The following FOLR1 variants were observed in gnomAD, a reference collection of about 807,000 sequenced individuals.
FOLR1 encodes KB cells FBP.
A neutral mutation model predicts 22.8 loss-of-function variants in FOLR1; 11 were observed. The observed-to-expected ratio is 0.48, with a 90% CI of 0.30 to 0.80. The LOEUF (loss-of-function observed/expected upper bound fraction) is 0.80. FOLR1 is among the 30% of genes least tolerant of loss of function. The pLI, the probability that FOLR1 is intolerant of heterozygous loss-of-function variation, is 0.06. For synonymous variants in FOLR1, 108 were observed against 116.5 expected (o/e 0.93, Z 0.47); for missense variants, 273 against 320.3 (o/e 0.85, Z 1.13).
chr11:72,194,439 G>T (rs541651726), intron 1 of FOLR1, among the ~76,000 whole-genome samples: 1 of 151,972 alleles, frequency 6.6e-6, no homozygotes, highest in African/African-American at 2.4e-5. Flanking sequence ...TTGCTCTGTC[G>T]CCCAGGCTGG....
rs148345688 is a variant in FOLR1, at chr11:72,195,317, A to G, written c.215A>G (p.Gln72Arg). The change falls in exon 2 of 4, where the codon CAG becomes CGG. Residue 72 changes from glutamine (Q) to arginine (R), a missense_variant. Coordinates refer to ENST00000393676, the MANE Select transcript of FOLR1 (RefSeq NM_016729.3). ...GCCTGCTGTTCTACCAACACCAGCC[A>G]GGAAGCCCATAAGGATGTTTCCTAC... Reference protein sequence around the residue: ...KNACCSTNTSQEAHKDVSYLY... With the variant: ...KNACCSTNTSREAHKDVSYLY... 1.7e-4 allele frequency: 279 copies of G among 1,614,086 alleles called. 3 individuals carry two copies. In the South Asian group the frequency reaches 2.1e-3, roughly 12 times the overall value.
chr11:72,190,919 G>A (rs1304557498), upstream of FOLR1, among the ~76,000 whole-genome samples: 1 of 152,242 alleles, frequency 6.6e-6, no homozygotes, highest in African/African-American at 2.4e-5. Context: ...GCAAGCTTGT[G>A]AGCGGGAAAG....
At chr11:72,191,954 G>T (rs112331849), upstream of FOLR1, 2 of 568,550 alleles carry the variant, frequency 3.5e-6, no homozygotes, top group Non-Finnish European at 6.3e-6. Flanking sequence ...CCTGAACCTC[G>T]TGACCACCTG....
Position 72,195,966 on chromosome 11 carries a change from T to C in FOLR1, c.563T>C (p.Leu188Pro), listed in dbSNP as rs1565365812. 1.9e-6 allele frequency: 3 copies of C among 1,614,208 alleles called. No individual in the cohort carries two copies. Among genetic ancestry groups the C allele is most frequent in the Non-Finnish European group, 2.5e-6 (3 of 1,180,030 alleles). Reference protein sequence around the residue: ...FHFYFPTPTVLCNEIWTHSYK... With the variant: ...FHFYFPTPTVPCNEIWTHSYK... ...TTCTACTTCCCCACACCCACTGTTC[T>C]GTGCAATGAAATCTGGACTCACTCC... Residue 188 changes from leucine to proline, a missense_variant, in exon 4 of 4, where the codon CTG becomes CCG. By Grantham distance (98) the Leu-to-Pro change is moderately conservative. Transcript: ENST00000393676.
chr11:72,192,282 TGCATGAAC>T lies in FOLR1; in HGVS notation c.112_119del (p.Met38GlnfsTer15). The T allele has an allele frequency of 6.2e-7, 1 of 1,614,108 alleles. No homozygotes were observed. Among genetic ancestry groups the T allele is most frequent in the Non-Finnish European group, 8.5e-7 (1 of 1,180,020 alleles). On this transcript the variant is annotated frameshift_variant, in exon 1 of 4. Transcript: ENST00000393676. LOFTEE classifies it high-confidence loss of function. Reference sequence around the variant, plus strand: ...GGCCAGGACTGAGCTTCTCAATGTCTGCATGAACGCCAAGCACCACAAGGAAAAGCCAG... The same window carrying T: ...GGCCAGGACTGAGCTTCTCAATGTCTGCCAAGCACCACAAGGAAAAGCCAG...
chr11:72,192,266 T>C lies in FOLR1; in HGVS notation c.93T>C (p.Thr31=), dbSNP rs758021331. The C allele has an allele frequency of 5.6e-6, 9 of 1,614,150 alleles. No individual in the cohort carries two copies. The highest frequency in any genetic ancestry group is 1.1e-5 in the South Asian group (1 of 91,088). ...EAQTRIAWAR[T]ELLNVCMNAK... is the part of the protein sequence containing the mutation. ...AGACAAGGATTGCATGGGCCAGGAC[T>C]GAGCTTCTCAATGTCTGCATGAACG... Residue 31 remains threonine, a synonymous_variant, in exon 1 of 4, where the codon ACT becomes ACC. Transcript: ENST00000393676.
upstream of FOLR1, among the ~76,000 whole-genome samples, chr11:72,190,892 G>A (rs1159120587): frequency 3.9e-5 from 6 of 152,220 alleles, no homozygotes; most frequent in Non-Finnish European, 8.8e-5. Flanking sequence ...GGAGAGGAGG[G>A]GCAGCACGGG....
In FOLR1 at chr11:72,192,246, A is replaced by G; in HGVS notation, c.73A>G (p.Arg25Gly). The change falls in exon 1 of 4, where the codon AGG becomes GGG. Residue 25 changes from arginine to glycine, a missense_variant. Arg to Gly is a moderately radical substitution (Grantham distance 125). Transcript: ENST00000393676. ...GGCTGTAGTAGGGGAGGCTCAGACA[A>G]GGATTGCATGGGCCAGGACTGAGCT... ...WVAVVGEAQT[R>G]IAWARTELLN... 6.2e-7 allele frequency: 1 copy of G among 1,614,210 alleles called. No individual in the cohort carries two copies. The highest frequency in any genetic ancestry group is 8.5e-7 in the Non-Finnish European group (1 of 1,180,046).
Position 72,196,161 on chromosome 11 carries a change from T to G in FOLR1, c.758T>G (p.Leu253Arg), listed in dbSNP as rs1948233031. 1 of 1,614,212 alleles carries G rather than the reference T, an allele frequency of 6.2e-7. No homozygotes were observed. The highest frequency in any genetic ancestry group is 1.1e-5 in the South Asian group (1 of 91,082). The change falls in exon 4 of 4, where the codon CTG (leucine) becomes CGG (arginine). Residue 253 changes from leucine to arginine, a missense_variant. Transcript: ENST00000393676. Reference sequence around the variant, plus strand: ...CTGCTTAGCCTGGCCCTAATGCTGCTGTGGCTGCTCAGCTGACCTCCTTTT... The same window carrying G: ...CTGCTTAGCCTGGCCCTAATGCTGCGGTGGCTGCTCAGCTGACCTCCTTTT... Reference protein sequence around the residue: ...PFLLSLALMLLWLLS With the variant: ...PFLLSLALMLRWLLS
At position 72,195,657 on chromosome 11, in the gene FOLR1, T is replaced by C. The variant is rs774868210; in HGVS notation, c.403T>C (p.Cys135Arg). 2 of 1,614,178 alleles carry C rather than the reference T, an allele frequency of 1.2e-6. No individual in the cohort carries two copies. The highest frequency in any genetic ancestry group is 1.7e-6 in the Non-Finnish European group (2 of 1,180,028). The change falls in exon 3 of 4, where the codon TGC becomes CGC. Residue 135 changes from cysteine to arginine, a missense_variant. Transcript: ENST00000393676. ...RKERVLNVPLCKEDCEQWWED... is the reference protein window; with the variant it reads ...RKERVLNVPLRKEDCEQWWED... ...AGAGCGGGTACTGAACGTGCCCCTG[T>C]GCAAAGAGGACTGTGAGCAATGGTG...
chr11:72,193,770 A>G (rs1261228359), intron 1 of FOLR1, among the ~76,000 whole-genome samples: 3 of 140,048 alleles, frequency 2.1e-5, no homozygotes, highest in Non-Finnish European at 4.6e-5. Flanking sequence ...TTAAGTGCAC[A>G]TTTTATTTAT....
intron 1 of FOLR1, among the ~76,000 whole-genome samples, chr11:72,193,935 C>T (rs530331507): frequency 6.6e-6 from 1 of 151,570 alleles, no homozygotes; most frequent in Non-Finnish European, 1.5e-5. Context: ...AGGCACCTGC[C>T]ACCATGCCTA....
chr11:72,194,910 T>C (rs1164254315), intron 1 of FOLR1, among the ~76,000 whole-genome samples: 1 of 152,252 alleles, frequency 6.6e-6, no homozygotes, highest in Non-Finnish European at 1.5e-5. Flanking sequence ...ACCGCACTAT[T>C]ACACTACAAG....
rs566120497 is a variant in FOLR1, at chr11:72,192,232, G to C, written c.59G>C (p.Gly20Ala). 1 of 1,614,194 alleles carries C rather than the reference G, an allele frequency of 6.2e-7. No individual in the cohort carries two copies. Residue 20 changes from glycine to alanine, a missense_variant, in exon 1 of 4, where the codon GGG becomes GCG. Physicochemically the swap from Gly to Ala is moderately conservative, Grantham distance 60. Coordinates refer to ENST00000393676, the MANE Select transcript of FOLR1 (RefSeq NM_016729.3). ...LLLLVWVAVV[G>A]EAQTRIAWAR... Reference sequence around the variant, plus strand: ...CTTCTAGTGTGGGTGGCTGTAGTAGGGGAGGCTCAGACAAGGATTGCATGG... The same window carrying C: ...CTTCTAGTGTGGGTGGCTGTAGTAGCGGAGGCTCAGACAAGGATTGCATGG...
At chr11:72,189,767 A>T (rs1948132972), upstream of FOLR1, 1 of 152,444 alleles carries the variant, frequency 6.6e-6, no homozygotes, top group Middle Eastern at 3.1e-3. Context: ...CAGGTATGTG[A>T]CACTCCCCAT....
upstream of FOLR1, chr11:72,192,066 C>T: frequency 7.7e-7 from 1 of 1,296,046 alleles, no homozygotes; most frequent in Non-Finnish European, 1.1e-6. Context: ...TCTATCTGCC[C>T]CAGGCTTCCG....
chr11:72,195,233 C>A (rs879038550), intron 1 of FOLR1, 38 bp from the exon 2 acceptor site: 1 of 1,592,954 alleles, frequency 6.3e-7, no homozygotes, highest in South Asian at 1.1e-5. Flanking sequence ...GCTGGCTGTG[C>A]TGGCTGTGGA....
chr11:72,196,302 T>C, downstream of FOLR1: 1 of 942,428 alleles, frequency 1.1e-6, no homozygotes. Context: ...ACACCGCACA[T>C]GTGTCTTGAG....
Position 72,192,332 on chromosome 11 carries a change from G to C in FOLR1, c.159G>C (p.Leu53Phe). The change falls in exon 1 of 4, where the codon TTG becomes TTC. Residue 53 changes from leucine (L) to phenylalanine (F), a missense_variant. Coordinates refer to ENST00000393676, the MANE Select transcript of FOLR1 (RefSeq NM_016729.3). ...HKEKPGPEDKLHEQCRPWRKN... is the reference protein window; with the variant it reads ...HKEKPGPEDKFHEQCRPWRKN... ...AAAAGCCAGGCCCCGAGGACAAGTT[G>C]CATGAGCAGGTGGGCCAGGGGGTGA... 6.2e-7 allele frequency: 1 copy of C among 1,614,068 alleles called. No individual in the cohort carries two copies. The highest frequency in any genetic ancestry group is 8.5e-7 in the Non-Finnish European group (1 of 1,180,020).
Sources: gnomAD v4.1 joint callset for allele counts (sites outside exome capture counted in the v4.1 genomes callset) on GRCh38, gnomAD v4.1.1 for gene constraint, MANE v1.5 for transcripts, NCBI Gene and HGNC (gene_info 2026-07-23, HGNC 2026-07-21) for gene names.